NFKB1: variants seen among roughly 807,000 people sequenced by gnomAD.
The protein encoded by NFKB1 is nuclear factor NF-kappa-B p105 subunit.
Under a neutral mutation model 105.1 loss-of-function variants are expected in NFKB1, and 9 were observed. The ratio of observed to expected loss-of-function variants is 0.09; its 90% CI spans 0.05 to 0.15. NFKB1 has a LOEUF of 0.15. NFKB1 is among the 10% of genes least tolerant of loss of function. The pLI is 1.00. For missense variants in NFKB1, 830 were observed against 1,203.7 expected, an observed-to-expected ratio of 0.69 and a Z score of 4.59; for synonymous variants, 440 against 442.2, an observed-to-expected ratio of 1.00 and a Z score of 0.06.
At chr4:102,502,361 C>T (rs977440232) in intron 1 of NFKB1, among the ~76,000 whole-genome samples, 1 of 143,964 alleles carries the variant, frequency 6.9e-6, no homozygotes. Context: ...CTCTCTCCCC[C>T]CTCCCCCCCT....
Position 102,515,012 on chromosome 4 carries a change from G to A in NFKB1, c.-7-10500G>A, listed in dbSNP as rs576336448. Among the ~76,000 whole-genome samples, 22 of 151,154 alleles carry A rather than the reference G, an allele frequency of 1.5e-4. No homozygotes were observed. The East Asian group carries it at 2.1e-3, about 15-fold the overall frequency. On this transcript the variant is annotated intron_variant, in intron 1 of 23. Transcript: ENST00000226574. ...TTAAAGTACAATTCTTATGAAAAGC[G>A]TATACTTTAATCTTGTTTTTTAAAA...
intron 1 of NFKB1, among the ~76,000 whole-genome samples, chr4:102,502,334 TCG>T (rs1739110711): frequency 6.7e-6 from 1 of 149,934 alleles, no homozygotes; most frequent in Non-Finnish European, 1.5e-5. Context: ...GAAACCTGGC[TCG>T]CTCTCTGTCT....
chr4:102,591,419 C>CAAAAAAAAA (rs59255093), intron 11 of NFKB1, among the ~76,000 whole-genome samples: 2 of 101,764 alleles, frequency 2.0e-5, no homozygotes, highest in East Asian at 5.5e-4. Context: ...GACCCTGGCT[C>CAAAAAAAAA]AAAAAAAAAA....
At chr4:102,588,821 T>C (rs1203585194) in intron 11 of NFKB1, among the ~76,000 whole-genome samples, 3 of 152,212 alleles carry the variant, frequency 2.0e-5, no homozygotes, top group African/African-American at 7.2e-5. Flanking sequence ...CTTGACTCCA[T>C]TGTGACCTCA....
chr4:102,607,424 C>T, intron 18 of NFKB1, 105 bp downstream of exon 18: 1 of 1,309,814 alleles, frequency 7.6e-7, no homozygotes, highest in Non-Finnish European at 1.1e-6. Flanking sequence ...TTACAATCAG[C>T]TCTATTTGTT....
chr4:102,532,865 C>G (rs1403504480), intron 3 of NFKB1, among the ~76,000 whole-genome samples: 1 of 152,058 alleles, frequency 6.6e-6, no homozygotes. Flanking sequence ...TTATTTATTG[C>G]AAAGCTATGG....
At chr4:102,523,317 T>C (rs1585215) in intron 1 of NFKB1, among the ~76,000 whole-genome samples, 40,819 of 152,186 alleles carry the variant, frequency 0.27, 6,787 homozygotes, top group Admixed American at 0.41. Context: ...TTTAGACAAA[T>C]GTTTCCCTGC....
At chr4:102,595,067 C>A in intron 13 of NFKB1, 86 bp downstream of exon 13, 1 of 773,052 alleles carries the variant, frequency 1.3e-6, no homozygotes, top group East Asian at 2.6e-5. Flanking sequence ...CTTATCACAA[C>A]AGTATTATCA....
Position 102,607,277 on chromosome 4 carries a change from G to A in NFKB1, c.2082G>A (p.Val694=). 1 of 1,614,144 alleles carries A rather than the reference G, an allele frequency of 6.2e-7. No individual in the cohort carries two copies. Among genetic ancestry groups the A allele is most frequent in the Non-Finnish European group, 8.5e-7 (1 of 1,179,964 alleles). ...GGCGCACAGCACTGCACCTGGCTGTGGAGCACGACAACATCTCATTGGCAG... is the reference window on the plus strand; with the variant it reads ...GGCGCACAGCACTGCACCTGGCTGTAGAGCACGACAACATCTCATTGGCAG... ...KSGRTALHLA[V]EHDNISLAGC... The change falls in exon 18 of 24, where the codon GTG becomes GTA. Residue 694 remains valine (V), a synonymous_variant. Transcript: ENST00000226574.
Position 102,581,874 on chromosome 4 carries a change from T to G in NFKB1, c.836-992T>G, listed in dbSNP as rs553659270. Among the ~76,000 whole-genome samples, 11 of 152,344 alleles carry G rather than the reference T, an allele frequency of 7.2e-5. No individual in the cohort carries two copies. In the South Asian group the frequency reaches 1.5e-3, roughly 20 times the overall value. ...ACTTGGCTTAAAGAATCTCAATAAC[T>G]AGGTCCAGTGTAGTCCTACCTGAAG... is the stretch of plus-strand genomic sequence containing the variant. On this transcript the variant is annotated intron_variant, in intron 9 of 23. Transcript: ENST00000226574.
chr4:102,611,417 G>C (rs1728401634), intron 20 of NFKB1, among the ~76,000 whole-genome samples: 1 of 152,174 alleles, frequency 6.6e-6, no homozygotes, highest in Non-Finnish European at 1.5e-5. Context: ...AACACAAAAA[G>C]ATGATGCACT....
intron 5 of NFKB1, among the ~76,000 whole-genome samples, chr4:102,542,711 A>C (rs1742085827): frequency 6.6e-6 from 1 of 152,248 alleles, no homozygotes; most frequent in Admixed American, 6.5e-5. Flanking sequence ...ACTTCAACCC[A>C]AATTTGCCAT....
At chr4:102,527,619 A>G (rs759125724) in intron 2 of NFKB1, among the ~76,000 whole-genome samples, 6 of 152,164 alleles carry the variant, frequency 3.9e-5, no homozygotes, top group Admixed American at 2.6e-4. Context: ...TCACATTAAG[A>G]TGCTCCTTTC....
intron 14 of NFKB1, among the ~76,000 whole-genome samples, chr4:102,597,093 C>T (rs1353619348): frequency 1.3e-5 from 2 of 152,070 alleles, no homozygotes; most frequent in Non-Finnish European, 2.9e-5. Flanking sequence ...CTGTTTATGG[C>T]AGAGATGTGT....
At chr4:102,577,264 A>G (rs977759503) in intron 7 of NFKB1, among the ~76,000 whole-genome samples, 3 of 152,102 alleles carry the variant, frequency 2.0e-5, no homozygotes, top group Non-Finnish European at 4.4e-5. Context: ...AGCAACTTTC[A>G]GCCTCATCTC....
rs1209309547 is a variant in NFKB1 at position 102,610,822 on chromosome 4, GTC to G, written c.2352+125_2352+126del. On this transcript the variant is annotated intron_variant, in intron 20 of 23. Coordinates refer to ENST00000226574, the MANE Select transcript of NFKB1 (RefSeq NM_003998.4). ...GAACATGCCTTTTATTTTTAAGAAA[GTC>G]TGTTTGTCAGAGACCATTTTTATCT... 10 of 1,251,280 alleles carry G rather than the reference GTC, an allele frequency of 8.0e-6. No individual in the cohort carries two copies. In the Admixed American group the frequency reaches 1.7e-4, roughly 21 times the overall value. The allele number at this position is 1,251,280 out of a possible 1,614,324, so 77.5% of individuals were successfully genotyped here.
intron 1 of NFKB1, among the ~76,000 whole-genome samples, chr4:102,513,583 T>C (rs992494531): frequency 1.4e-4 from 22 of 152,172 alleles, no homozygotes; most frequent in Admixed American, 1.4e-3. Flanking sequence ...CCCATGATTA[T>C]AGTGAATATG....
intron 1 of NFKB1, among the ~76,000 whole-genome samples, chr4:102,513,227 G>A (rs1465159894): frequency 6.6e-6 from 1 of 152,194 alleles, no homozygotes; most frequent in Non-Finnish European, 1.5e-5. Context: ...CAGAGGTATT[G>A]AAGCAGTTTT....
chr4:102,578,614 G>A (rs1725058450), intron 7 of NFKB1: 1 of 485,556 alleles, frequency 2.1e-6, no homozygotes, highest in South Asian at 4.0e-5. Context: ...AAAGGTGGGG[G>A]AAGGACAGGA....
Sources: allele counts gnomAD v4.1 joint callset (sites outside exome capture counted in the v4.1 genomes callset), GRCh38; gene constraint gnomAD v4.1.1; transcripts MANE v1.5; gene names NCBI Gene and HGNC (gene_info 2026-07-23, HGNC 2026-07-21).